The following PIK3R6 variants were observed in gnomAD, a reference collection of about 807,000 sequenced individuals.
The protein encoded by PIK3R6 is phosphoinositide 3-kinase regulatory subunit 6.
In PIK3R6, 91 loss-of-function variants were observed where a neutral mutation model predicts 84.9. That is an observed-to-expected ratio of 1.07 (90% CI 0.90 to 1.28). The LOEUF is 1.28. PIK3R6 is among the 50% of genes most tolerant of loss of function. PIK3R6 has a pLI of 0.00. For synonymous variants in PIK3R6, 416 were observed against 411.4 expected (o/e 1.01, Z -0.13); for missense variants, 996 against 985.1 (o/e 1.01, Z -0.15).
In PIK3R6 at chr17:8,829,559, T is replaced by C. The variant is rs796599064; in HGVS notation, c.889+147A>G. The C allele has an allele frequency of 1.3e-4, 102 of 780,282 alleles. No individual in the cohort carries two copies. The African/African-American group carries it at 1.9e-3, about 15-fold the overall frequency. 48.3% of individuals were successfully genotyped at this position (780,282 alleles called of 1,614,324 possible). On this transcript the variant is annotated intron_variant, in intron 10 of 19. Transcript: ENST00000619866. ...ACGCATGCACACAGACACACACTCA[T>C]GCACACATACACACACAGACACACT...
chr17:8,850,528 G>A (rs2088929603), intron 1 of PIK3R6, among the ~76,000 whole-genome samples: 1 of 152,160 alleles, frequency 6.6e-6, no homozygotes, highest in South Asian at 2.1e-4. Context: ...CAAGGAATGA[G>A]GACTTGGAAC....
At chr17:8,827,375 G>T in intron 12 of PIK3R6, 81 bp from the exon 13 acceptor site, 1 of 1,464,778 alleles carries the variant, frequency 6.8e-7, no homozygotes, top group Non-Finnish European at 9.1e-7. Flanking sequence ...TAGGCTGTGT[G>T]AATATGGTCA....
intron 7 of PIK3R6, among the ~76,000 whole-genome samples, 177 bp downstream of exon 7, chr17:8,836,370 T>C (rs1216021154): frequency 3.9e-5 from 6 of 152,166 alleles, no homozygotes; most frequent in African/African-American, 1.2e-4. Flanking sequence ...GAAAACAATA[T>C]GGCGCCAACC....
intron 9 of PIK3R6, among the ~76,000 whole-genome samples, chr17:8,830,530 G>A (rs1044642380): frequency 6.6e-6 from 1 of 152,198 alleles, no homozygotes; most frequent in Non-Finnish European, 1.5e-5. Flanking sequence ...AGAGCAGCTA[G>A]TGTTCACTGA....
chr17:8,851,456 C>T (rs1336415079), intron 1 of PIK3R6, among the ~76,000 whole-genome samples: 1 of 152,178 alleles, frequency 6.6e-6, no homozygotes, highest in Non-Finnish European at 1.5e-5. Context: ...GAGATCGCGC[C>T]ACTGCACTCC....
intron 18 of PIK3R6, among the ~76,000 whole-genome samples, chr17:8,810,973 C>T (rs1480584330): frequency 1.3e-5 from 2 of 148,892 alleles, no homozygotes; most frequent in East Asian, 2.2e-4. Context: ...TGCATGGGGG[C>T]TCTGACCCCA....
intron 14 of PIK3R6, 32 bp from the exon 15 acceptor site, chr17:8,823,118 G>C (rs2087796232): frequency 6.7e-7 from 1 of 1,490,098 alleles, no homozygotes; most frequent in Non-Finnish European, 9.4e-7. Context: ...GGCATTTCCT[G>C]GTGTGATTTC....
At chr17:8,828,222 G>C (rs757299790) in intron 11 of PIK3R6, 32 bp from the exon 12 acceptor site, 6 of 1,605,456 alleles carry the variant, frequency 3.7e-6, no homozygotes, top group African/African-American at 1.3e-5. Context: ...GAGGAGGTTA[G>C]GGGCGGGGCT....
At chr17:8,860,090 G>A (rs760941577) in intron 1 of PIK3R6, among the ~76,000 whole-genome samples, 2 of 152,180 alleles carry the variant, frequency 1.3e-5, no homozygotes, top group Non-Finnish European at 2.9e-5. Flanking sequence ...AAAAAACCAT[G>A]CGTATGGTAA....
rs1380299573 is a variant in PIK3R6 at position 8,828,056 on chromosome 17, C to G, written c.1392+56G>C. ...GGGGGATGCGGGGCTGCAGGTGTGT[C>G]CCTGCCCAGCCTGCCCTGTCTCTGC... is the stretch of plus-strand genomic sequence containing the variant. On this transcript the variant is annotated intron_variant, in intron 12 of 19. Coordinates refer to ENST00000619866, the MANE Select transcript of PIK3R6 (RefSeq NM_001010855.4). 31 of 1,556,576 alleles carry G rather than the reference C, an allele frequency of 2.0e-5. 1 individual carries two copies. The highest frequency in any genetic ancestry group is 2.7e-5 in the Non-Finnish European group (30 of 1,129,936).
chr17:8,826,868 C>T (rs1331099267), intron 13 of PIK3R6, among the ~76,000 whole-genome samples: 1 of 152,070 alleles, frequency 6.6e-6, no homozygotes, highest in Non-Finnish European at 1.5e-5. Flanking sequence ...TATAACTGCC[C>T]TACACACTTA....
intron 9 of PIK3R6, among the ~76,000 whole-genome samples, chr17:8,831,145 C>CAAAAA (rs35954175): frequency 4.8e-5 from 2 of 42,010 alleles, no homozygotes; most frequent in Non-Finnish European, 8.4e-5. Flanking sequence ...GATTGTGTCT[C>CAAAAA]AAAAAAAAAA....
chr17:8,828,336 T>A, intron 11 of PIK3R6, 146 bp from the exon 12 acceptor site: 2 of 961,466 alleles, frequency 2.1e-6, no homozygotes, highest in East Asian at 2.6e-5. Context: ...ATGGGTACAG[T>A]AATGTCTCCC....
At chr17:8,826,719 A>G (rs1029860153) in intron 13 of PIK3R6, among the ~76,000 whole-genome samples, 6 of 152,136 alleles carry the variant, frequency 3.9e-5, no homozygotes, top group African/African-American at 1.4e-4. Flanking sequence ...GGGTGCAGCA[A>G]ACCACCATGG....
At chr17:8,863,920 G>T (rs1175486802) in intron 1 of PIK3R6, among the ~76,000 whole-genome samples, 2 of 152,236 alleles carry the variant, frequency 1.3e-5, no homozygotes, top group Non-Finnish European at 2.9e-5. Context: ...AAGCCATGCG[G>T]TATCTGCAGG....
intron 1 of PIK3R6, among the ~76,000 whole-genome samples, chr17:8,866,838 G>C (rs544926908): frequency 7.4e-4 from 113 of 152,068 alleles, no homozygotes; most frequent in Non-Finnish European, 1.5e-3. Context: ...TTGGTCACTC[G>C]CAGCTGTGTT....
intron 16 of PIK3R6, 116 bp from the exon 17 acceptor site, chr17:8,822,052 C>CTTT (rs546514771): frequency 1.4e-4 from 57 of 412,418 alleles, no homozygotes; most frequent in South Asian, 3.1e-4. Context: ...CTGTGAGAGT[C>CTTT]TTTTTTTTTT....
chr17:8,813,329 G>A (rs2087419837), intron 18 of PIK3R6, among the ~76,000 whole-genome samples: 1 of 152,104 alleles, frequency 6.6e-6, no homozygotes, highest in Non-Finnish European at 1.5e-5. Context: ...ATACAAGGAA[G>A]AACTGATACT....
At chr17:8,851,182 G>GA (rs11454721) in intron 1 of PIK3R6, among the ~76,000 whole-genome samples, 40,498 of 145,466 alleles carry the variant, frequency 0.28, 5,815 homozygotes, top group Non-Finnish European at 0.32. Context: ...TAGATATACA[G>GA]AAAAAAAAAA....
Sources: gnomAD v4.1 joint callset for allele counts (sites outside exome capture counted in the v4.1 genomes callset) on GRCh38, gnomAD v4.1.1 for gene constraint, MANE v1.5 for transcripts, NCBI Gene and HGNC (gene_info 2026-07-23, HGNC 2026-07-21) for gene names.